Variants in EFL1 observed in about 807,000 individuals in gnomAD.
EFL1 encodes the protein elongation factor-like GTPase 1.
Under a neutral mutation model 126.7 loss-of-function variants are expected in EFL1, and 76 were observed. The observed-to-expected ratio is 0.60, with a 90% CI of 0.50 to 0.73. The LOEUF is 0.73. Among genes scored for constraint, EFL1 ranks in the 30% least tolerant of loss-of-function variants. The pLI is 0.00. For missense variants in EFL1, 1,128 were observed against 1,343.2 expected, an observed-to-expected ratio of 0.84 and a Z score of 2.50; for synonymous variants, 410 against 448.4, an observed-to-expected ratio of 0.91 and a Z score of 1.08.
At chr15:82,249,618 G>C (rs1356674535) in intron 4 of EFL1, among the ~76,000 whole-genome samples, 1 of 151,982 alleles carries the variant, frequency 6.6e-6, no homozygotes, top group Non-Finnish European at 1.5e-5. Flanking sequence ...AACGTATATT[G>C]TTAGGAATAC....
At chr15:82,229,395 C>A (rs1360670027) in intron 8 of EFL1, among the ~76,000 whole-genome samples, 1 of 152,156 alleles carries the variant, frequency 6.6e-6, no homozygotes, top group East Asian at 1.9e-4. Flanking sequence ...ACACAGCACA[C>A]AAGCCAAGAG....
At chr15:82,209,310 GACACAGACACACACACACACACAC>G (rs950242481) in intron 15 of EFL1, among the ~76,000 whole-genome samples, 19 of 94,840 alleles carry the variant, frequency 2.0e-4, no homozygotes, top group African/African-American at 7.1e-4. Context: ...TTCACACACA[GACACAGACACACACACACACACAC>G]ACACACACAC....
chr15:82,151,407 T>C, intron 18 of EFL1, 58 bp downstream of exon 18: 3 of 1,487,278 alleles, frequency 2.0e-6, no homozygotes, highest in Middle Eastern at 1.8e-4. Flanking sequence ...ATTTTGAGTC[T>C]AGGAGACTTC....
intron 16 of EFL1, among the ~76,000 whole-genome samples, chr15:82,162,427 C>T (rs1348545296): frequency 6.6e-6 from 1 of 152,164 alleles, no homozygotes; most frequent in East Asian, 1.9e-4. Context: ...TTGCCAGACT[C>T]AAATATCACA....
intron 9 of EFL1, 120 bp downstream of exon 9, chr15:82,228,914 T>C (rs2074792284): frequency 6.0e-6 from 5 of 826,760 alleles, no homozygotes; most frequent in Non-Finnish European, 9.4e-6. Context: ...AACTCATCTG[T>C]AGAAGCTCTG....
chr15:82,211,619 C>CACACACACACACACA (rs1595985795), intron 15 of EFL1, among the ~76,000 whole-genome samples: 7 of 144,996 alleles, frequency 4.8e-5, no homozygotes, highest in Non-Finnish European at 7.6e-5. Flanking sequence ...CACACACACA[C>CACACACACACACACA]TAGACTCTCT....
Position 82,262,631 on chromosome 15 carries a change from C to A in EFL1, c.-37G>T. On this transcript the variant is annotated 5_prime_UTR_variant, in exon 1 of 20. Coordinates refer to ENST00000268206, the MANE Select transcript of EFL1 (RefSeq NM_024580.6). Reference sequence around the variant, plus strand: ...ACACTCACCGGCTGCAGCAGCCCCACCAGCCCCGCTCCTTCTCTCGGGTCG... The same window carrying A: ...ACACTCACCGGCTGCAGCAGCCCCAACAGCCCCGCTCCTTCTCTCGGGTCG... 2.2e-6 allele frequency: 1 copy of A among 448,420 alleles called. No homozygotes were observed. Among genetic ancestry groups the A allele is most frequent in the South Asian group, 2.5e-5 (1 of 39,878 alleles). 27.8% of individuals were successfully genotyped at this position (448,420 alleles called of 1,614,324 possible).
Position 82,154,919 on chromosome 15 carries a change from C to T in EFL1, c.2031-2496G>A, listed in dbSNP as rs2073951702. On this transcript the variant is annotated intron_variant, in intron 17 of 19. Coordinates refer to ENST00000268206, the MANE Select transcript of EFL1 (RefSeq NM_024580.6). The stretch of plus-strand genomic sequence containing the variant: ...TGGTATTACAGGCATGCACCACCTG[C>T]CCGATTAATTTATTTTTATTTTTTT... Among the ~76,000 whole-genome samples the T allele has an allele frequency of 2.0e-5, 3 of 152,196 alleles. No individual in the cohort carries two copies. The South Asian group carries it at 6.2e-4, about 32-fold the overall frequency.
chr15:82,230,604 AAAAGAAAAG>A (rs1421833468), intron 8 of EFL1, among the ~76,000 whole-genome samples: 2 of 152,172 alleles, frequency 1.3e-5, no homozygotes, highest in Non-Finnish European at 2.9e-5. Flanking sequence ...TTCTGAAAAA[AAAAGAAAAG>A]AAAGAAAAGA....
intron 15 of EFL1, among the ~76,000 whole-genome samples, chr15:82,192,595 CT>C (rs2074370381): frequency 1.3e-5 from 2 of 152,080 alleles, no homozygotes; most frequent in Non-Finnish European, 2.9e-5. Flanking sequence ...TAACCAAGAG[CT>C]TTAATAAACA....
chr15:82,228,914 T>A, intron 9 of EFL1, 120 bp downstream of exon 9: 1 of 826,878 alleles, frequency 1.2e-6, no homozygotes, highest in Non-Finnish European at 1.9e-6. Flanking sequence ...AACTCATCTG[T>A]AGAAGCTCTG....
chr15:82,168,573 G>A (rs1007465496), intron 15 of EFL1, among the ~76,000 whole-genome samples: 8 of 152,260 alleles, frequency 5.3e-5, no homozygotes, highest in South Asian at 2.1e-4. Flanking sequence ...TGCTTGTGGC[G>A]CGAGGTCAGC....
chr15:82,207,924 T>C (rs537445570), intron 15 of EFL1, among the ~76,000 whole-genome samples: 2 of 152,262 alleles, frequency 1.3e-5, no homozygotes, highest in African/African-American at 4.8e-5. Flanking sequence ...TTTCACCATG[T>C]TGGCCAGGCT....
intron 15 of EFL1, among the ~76,000 whole-genome samples, chr15:82,209,274 C>T (rs972026755): frequency 1.9e-4 from 29 of 151,174 alleles, no homozygotes; most frequent in African/African-American, 6.6e-4. Context: ...GTTTCTGACG[C>T]CTAGGTTACC....
At chr15:82,255,102 T>C (rs1487191686) in intron 3 of EFL1, among the ~76,000 whole-genome samples, 3 of 152,230 alleles carry the variant, frequency 2.0e-5, no homozygotes, top group Admixed American at 1.3e-4. Context: ...TTCCAAATTA[T>C]TTTCCAAATT....
chr15:82,215,976 C>A (rs560415283), intron 14 of EFL1, among the ~76,000 whole-genome samples: 76 of 152,238 alleles, frequency 5.0e-4, no homozygotes, highest in African/African-American at 1.6e-3. Context: ...CACAATATGA[C>A]TGTCCACTTA....
At chr15:82,249,780 C>T (rs1158986585) in intron 4 of EFL1, among the ~76,000 whole-genome samples, 1 of 151,994 alleles carries the variant, frequency 6.6e-6, no homozygotes, top group Non-Finnish European at 1.5e-5. Flanking sequence ...AATAGAGGTT[C>T]CATTTTCTCA....
chr15:82,170,041 T>C (rs955779577), intron 15 of EFL1, among the ~76,000 whole-genome samples: 1 of 150,612 alleles, frequency 6.6e-6, no homozygotes, highest in East Asian at 1.9e-4. Context: ...TTCAGGAGTA[T>C]GGAAATAACC....
At chr15:82,159,221 T>C (rs1216253472) in intron 16 of EFL1, among the ~76,000 whole-genome samples, 2 of 152,208 alleles carry the variant, frequency 1.3e-5, no homozygotes, top group Non-Finnish European at 2.9e-5. Flanking sequence ...CACAGAATTT[T>C]AAACCTGGCT....
Sources: gnomAD v4.1 joint callset for allele counts (sites outside exome capture counted in the v4.1 genomes callset) on GRCh38, gnomAD v4.1.1 for gene constraint, MANE v1.5 for transcripts, NCBI Gene and HGNC (gene_info 2026-07-23, HGNC 2026-07-21) for gene names.